The following FOXP1 variants were observed in gnomAD, a reference collection of about 807,000 sequenced individuals.
FOXP1 encodes forkhead box protein P1.
In FOXP1, 15 loss-of-function variants were observed where a neutral mutation model predicts 98.2. That is an observed-to-expected ratio of 0.15 (90% confidence interval 0.10 to 0.24). FOXP1 has a LOEUF of 0.24. Among genes scored for constraint, FOXP1 ranks in the 10% least tolerant of loss-of-function variants. The pLI is 1.00. For missense variants in FOXP1, 633 were observed against 848.5 expected (o/e 0.75, Z 3.15); for synonymous variants, 371 against 314.5 (o/e 1.18, Z -1.90).
chr3:71,371,317 T>C (rs2079297437), intron 3 of FOXP1, among the ~76,000 whole-genome samples: 1 of 152,112 alleles, frequency 6.6e-6, no homozygotes, highest in Non-Finnish European at 1.5e-5. Flanking sequence ...GTCTCAGGTG[T>C]GGCATCTTCC....
intron 6 of FOXP1, among the ~76,000 whole-genome samples, chr3:71,161,129 G>T (rs531254479): frequency 1.1e-4 from 16 of 152,318 alleles, no homozygotes; most frequent in South Asian, 2.1e-4. Flanking sequence ...AATAAGAATG[G>T]GAGGATAAAT....
chr3:71,483,002 A>C (rs955616597), intron 3 of FOXP1, among the ~76,000 whole-genome samples: 3 of 151,230 alleles, frequency 2.0e-5, no homozygotes, highest in Non-Finnish European at 2.9e-5. Context: ...CATCCGGCTA[A>C]TTTTTTTTCT....
intron 3 of FOXP1, among the ~76,000 whole-genome samples, chr3:71,425,314 C>G (rs1298912357): frequency 1.3e-5 from 2 of 152,116 alleles, no homozygotes; most frequent in African/African-American, 4.8e-5. Flanking sequence ...TTAGTAGAGA[C>G]AGGATTTTAC....
At chr3:71,572,532 A>C (rs762770392) in intron 2 of FOXP1, 1 of 152,262 alleles carries the variant, frequency 6.6e-6, no homozygotes, top group Non-Finnish European at 1.5e-5. Context: ...AAAGCAAGTT[A>C]CTAAAAAACA....
chr3:70,981,098 T>C (rs1487863835), intron 14 of FOXP1, among the ~76,000 whole-genome samples: 1 of 137,782 alleles, frequency 7.3e-6, no homozygotes, highest in Non-Finnish European at 1.5e-5. Context: ...CTACGAAGAA[T>C]AGACAAATCC....
intron 3 of FOXP1, among the ~76,000 whole-genome samples, chr3:71,396,909 T>C (rs1210335822): frequency 8.2e-5 from 7 of 84,870 alleles, no homozygotes; most frequent in Admixed American, 8.0e-4. Flanking sequence ...AAGGAACATA[T>C]ATATGTGTGT....
intron 3 of FOXP1, among the ~76,000 whole-genome samples, chr3:71,461,146 A>G (rs957237710): frequency 6.6e-6 from 1 of 152,194 alleles, no homozygotes; most frequent in Non-Finnish European, 1.5e-5. Flanking sequence ...AGTACGAGCT[A>G]TAATAAAATG....
intron 4 of FOXP1, among the ~76,000 whole-genome samples, chr3:71,337,125 A>G (rs2076733557): frequency 6.6e-6 from 1 of 152,248 alleles, no homozygotes; most frequent in African/African-American, 2.4e-5. Flanking sequence ...GGAAATGATT[A>G]TGATAAAAGT....
intron 3 of FOXP1, among the ~76,000 whole-genome samples, chr3:71,455,049 G>C (rs945281399): frequency 6.6e-6 from 1 of 152,154 alleles, no homozygotes; most frequent in Non-Finnish European, 1.5e-5. Context: ...GCCCTAAAGT[G>C]AATGAGGCGG....
At chr3:71,188,329 G>A (rs140187059) in intron 6 of FOXP1, among the ~76,000 whole-genome samples, 16 of 152,258 alleles carry the variant, frequency 1.1e-4, no homozygotes, top group East Asian at 9.6e-4. Flanking sequence ...TGGAGAGACC[G>A]AAGTTGAAGA....
At chr3:71,488,761 T>C (rs2090848014) in intron 3 of FOXP1, among the ~76,000 whole-genome samples, 1 of 152,216 alleles carries the variant, frequency 6.6e-6, no homozygotes, top group East Asian at 1.9e-4. Context: ...TACAATCTGA[T>C]AGGCAGCTGC....
intron 11 of FOXP1, among the ~76,000 whole-genome samples, chr3:71,018,183 G>T (rs1446502255): frequency 1.3e-5 from 2 of 152,160 alleles, no homozygotes; most frequent in Non-Finnish European, 2.9e-5. Flanking sequence ...GTAGTTAACT[G>T]ACTTGTGAAG....
intron 4 of FOXP1, among the ~76,000 whole-genome samples, chr3:71,329,597 A>C (rs961554037): frequency 2.0e-5 from 3 of 152,050 alleles, no homozygotes; most frequent in Non-Finnish European, 4.4e-5. Flanking sequence ...AAAAAAAAAA[A>C]AAAGACAGGA....
At chr3:71,409,979 C>A (rs1251385214) in intron 3 of FOXP1, among the ~76,000 whole-genome samples, 2 of 152,156 alleles carry the variant, frequency 1.3e-5, no homozygotes, top group Non-Finnish European at 2.9e-5. Context: ...CACACCACTG[C>A]ACTCCAGCCT....
chr3:71,366,903 A>G (rs2078966040), intron 3 of FOXP1, among the ~76,000 whole-genome samples: 1 of 152,232 alleles, frequency 6.6e-6, no homozygotes, highest in South Asian at 2.1e-4. Flanking sequence ...AAATTAAATA[A>G]TTTTGTTTAA....
chr3:71,348,522 CGTGTGTGTGTGT>C (rs772944612), intron 4 of FOXP1, among the ~76,000 whole-genome samples: 8 of 69,922 alleles, frequency 1.1e-4, no homozygotes, highest in Admixed American at 9.7e-4. Context: ...TGTGTGTGTG[CGTGTGTGTGTGT>C]GTGTGTGTGT....
At chr3:71,295,684 T>A (rs2073214939) in intron 5 of FOXP1, among the ~76,000 whole-genome samples, 1 of 152,222 alleles carries the variant, frequency 6.6e-6, no homozygotes, top group Non-Finnish European at 1.5e-5. Flanking sequence ...TCAATGCCAT[T>A]CAGAATTGAA....
chr3:71,016,548 C>T (rs1251987639), intron 11 of FOXP1, among the ~76,000 whole-genome samples: 2 of 151,980 alleles, frequency 1.3e-5, no homozygotes, highest in African/African-American at 4.8e-5. Flanking sequence ...ATTGAGAGTT[C>T]TGTTTCGTAC....
intron 3 of FOXP1, among the ~76,000 whole-genome samples, chr3:71,468,491 CTG>C (rs1223355062): frequency 6.6e-6 from 1 of 152,190 alleles, no homozygotes; most frequent in Non-Finnish European, 1.5e-5. Flanking sequence ...TGTTAGGTCT[CTG>C]GAGAACAGCG....
Sources: allele counts gnomAD v4.1 joint callset (sites outside exome capture counted in the v4.1 genomes callset), GRCh38; gene constraint gnomAD v4.1.1; transcripts MANE v1.5; gene names NCBI Gene and HGNC (gene_info 2026-07-23, HGNC 2026-07-21).